Variants in ZMAT4 observed in about 807,000 individuals in gnomAD.
The protein encoded by ZMAT4 is zinc finger matrin-type protein 4.
A neutral mutation model predicts 28.7 loss-of-function variants in ZMAT4; 17 were observed. That is an observed-to-expected ratio of 0.59 (90% CI 0.41 to 0.89). The LOEUF (loss-of-function observed/expected upper bound fraction) is 0.89. ZMAT4 is among the 40% of genes least tolerant of loss of function. The pLI, the probability that ZMAT4 is intolerant of heterozygous loss-of-function variation, is 0.00. For missense variants in ZMAT4, 240 were observed against 283.8 expected (o/e 0.85, Z 1.11); for synonymous variants, 117 against 109.2 (o/e 1.07, Z -0.44).
At chr8:40,586,692 T>A (rs1804681589) in intron 5 of ZMAT4, among the ~76,000 whole-genome samples, 1 of 152,204 alleles carries the variant, frequency 6.6e-6, no homozygotes, top group African/African-American at 2.4e-5. Context: ...GAAGTCCCTA[T>A]GACTTCAATT....
intron 5 of ZMAT4, among the ~76,000 whole-genome samples, chr8:40,582,740 T>C (rs1339745460): frequency 1.3e-5 from 2 of 152,212 alleles, no homozygotes; most frequent in African/African-American, 2.4e-5. Flanking sequence ...TCTGTTTTCT[T>C]ACAGTATTGT....
rs531573434 is a variant in ZMAT4 at position 40,575,188 on chromosome 8, C to A, written c.674+5977G>T. 1.1e-4 allele frequency among the ~76,000 whole-genome samples: 17 copies of A among 152,274 alleles called. No individual in the cohort carries two copies. In the South Asian group the frequency reaches 3.5e-3, roughly 32 times the overall value. On this transcript the variant is annotated intron_variant, in intron 6 of 6. Transcript: ENST00000297737. ...AGGCTGTCCAAGCCAAACAGCTCAG[C>A]AAACCTGCCCCCAGATAGTCTTCCC... is the stretch of plus-strand genomic sequence containing the variant.
chr8:40,720,940 C>A (rs1172034831), intron 3 of ZMAT4, among the ~76,000 whole-genome samples: 2 of 150,488 alleles, frequency 1.3e-5, no homozygotes, highest in Non-Finnish European at 3.0e-5. Context: ...CATGAGAAAG[C>A]TATTTTTTGT....
rs1818929096 is a variant in ZMAT4, at chr8:40,897,747, G to T, written c.-69C>A. ...CAGCTGCCCTGCCGAGCAGTAGAGCGAAGCTGTGGGCTGGAGCACGCTGAG... is the reference window on the plus strand; with the variant it reads ...CAGCTGCCCTGCCGAGCAGTAGAGCTAAGCTGTGGGCTGGAGCACGCTGAG... On this transcript the variant is annotated 5_prime_UTR_variant, in exon 1 of 7. Transcript: ENST00000297737. 1 of 152,252 alleles carries T rather than the reference G, an allele frequency of 6.6e-6. No homozygotes were observed. Among genetic ancestry groups the T allele is most frequent in the South Asian group, 2.1e-4 (1 of 4,838 alleles). The allele number at this position is 152,252 out of a possible 1,614,324, so 9.4% of individuals were successfully genotyped here.
chr8:40,799,767 A>T (rs1036408797), intron 2 of ZMAT4, among the ~76,000 whole-genome samples: 1 of 152,178 alleles, frequency 6.6e-6, no homozygotes, highest in Admixed American at 6.5e-5. Context: ...AAGTGAAATG[A>T]ATGAAAGCAA....
rs530542150 is a variant in ZMAT4, at chr8:40,810,243, G to A, written c.102+15332C>T. On this transcript the variant is annotated intron_variant, in intron 2 of 6. Transcript: ENST00000297737. ...CCAATGGATTTGCGGACTTCTTCAA[G>A]TATTCACATGGATTCAAAAGCATAC... is the stretch of plus-strand genomic sequence containing the variant. Among the ~76,000 whole-genome samples the A allele has an allele frequency of 7.2e-5, 11 of 152,228 alleles. 1 individual carries two copies. The highest frequency in any genetic ancestry group is 1.3e-4 in the Non-Finnish European group (9 of 68,028).
chr8:40,803,312 C>T (rs1386516509), intron 2 of ZMAT4, among the ~76,000 whole-genome samples: 3 of 152,012 alleles, frequency 2.0e-5, no homozygotes, highest in Admixed American at 6.6e-5. Flanking sequence ...AAAATATTTG[C>T]AAAATATTTC....
chr8:40,538,060 C>G (rs1802903663), intron 6 of ZMAT4, among the ~76,000 whole-genome samples: 1 of 152,174 alleles, frequency 6.6e-6, no homozygotes, highest in African/African-American at 2.4e-5. Context: ...ACCTAAGAAA[C>G]TGTTTCAGGC....
intron 3 of ZMAT4, among the ~76,000 whole-genome samples, chr8:40,760,726 C>CTT (rs67670174): frequency 6.6e-6 from 1 of 151,480 alleles, no homozygotes; most frequent in African/African-American, 2.4e-5. Context: ...CTCTCTCTCT[C>CTT]TCTCTCTCTG....
chr8:40,646,898 A>C (rs1807344028), intron 5 of ZMAT4, among the ~76,000 whole-genome samples: 1 of 152,368 alleles, frequency 6.6e-6, no homozygotes, highest in Non-Finnish European at 1.5e-5. Context: ...AACAGTATAC[A>C]TATTCTTCTC....
intron 2 of ZMAT4, among the ~76,000 whole-genome samples, chr8:40,768,067 G>C (rs1260818273): frequency 6.6e-6 from 1 of 152,146 alleles, no homozygotes; most frequent in Non-Finnish European, 1.5e-5. Flanking sequence ...ATTGTGATAA[G>C]AAGAGGCACA....
chr8:40,811,996 T>TGC (rs1815338695), intron 2 of ZMAT4, among the ~76,000 whole-genome samples: 1 of 152,106 alleles, frequency 6.6e-6, no homozygotes, highest in East Asian at 2.0e-4. Context: ...CCAGGCGTGG[T>TGC]GGTGCGCACC....
chr8:40,787,297 A>G (rs983471345), intron 2 of ZMAT4, among the ~76,000 whole-genome samples: 3 of 152,216 alleles, frequency 2.0e-5, no homozygotes, highest in Non-Finnish European at 4.4e-5. Flanking sequence ...CTGAAACTAC[A>G]GATAGTGCCA....
At chr8:40,606,037 C>T (rs1805568357) in intron 5 of ZMAT4, among the ~76,000 whole-genome samples, 1 of 152,146 alleles carries the variant, frequency 6.6e-6, no homozygotes, top group Non-Finnish European at 1.5e-5. Context: ...TCTTTTTCCA[C>T]CCCTTTACCT....
At chr8:40,696,299 G>A (rs1401362733) in intron 4 of ZMAT4, among the ~76,000 whole-genome samples, 1 of 152,106 alleles carries the variant, frequency 6.6e-6, no homozygotes, top group Non-Finnish European at 1.5e-5. Context: ...CAGTGGTAAG[G>A]ATAAAAGCCA....
intron 5 of ZMAT4, among the ~76,000 whole-genome samples, chr8:40,613,644 A>T (rs1805886051): frequency 6.6e-6 from 1 of 152,164 alleles, no homozygotes; most frequent in Admixed American, 6.5e-5. Context: ...TGTAAATCTT[A>T]TCTGTCATCT....
chr8:40,851,226 G>T (rs1043770213), intron 1 of ZMAT4, among the ~76,000 whole-genome samples: 3 of 152,300 alleles, frequency 2.0e-5, no homozygotes, highest in Non-Finnish European at 4.4e-5. Context: ...TACTAGGGAG[G>T]CTAAGGCTGG....
At chr8:40,651,595 A>T (rs1259864777) in intron 5 of ZMAT4, among the ~76,000 whole-genome samples, 1 of 148,478 alleles carries the variant, frequency 6.7e-6, no homozygotes, top group East Asian at 2.0e-4. Context: ...TTCATATGGA[A>T]CCAAAAAAGA....
chr8:40,566,738 C>G (rs1299559255), intron 6 of ZMAT4, among the ~76,000 whole-genome samples: 1 of 151,830 alleles, frequency 6.6e-6, no homozygotes, highest in Non-Finnish European at 1.5e-5. Flanking sequence ...TTTAACATAC[C>G]CAGTTAGACC....
Sources: allele counts gnomAD v4.1 joint callset (sites outside exome capture counted in the v4.1 genomes callset), GRCh38; gene constraint gnomAD v4.1.1; transcripts MANE v1.5; gene names NCBI Gene and HGNC (gene_info 2026-07-23, HGNC 2026-07-21).